RASGRF2: variants seen among roughly 807,000 people sequenced by gnomAD.
RASGRF2 encodes Ras protein specific guanine nucleotide releasing factor 2, also known as ras-specific guanine nucleotide-releasing factor 2.
RASGRF2 carries 76 observed loss-of-function variants against 151.0 expected under a neutral mutation model. The ratio of observed to expected loss-of-function variants is 0.50; its 90% CI spans 0.42 to 0.61. RASGRF2 has a LOEUF of 0.61. Among genes scored for constraint, RASGRF2 ranks in the 20% least tolerant of loss-of-function variants. RASGRF2 has a pLI of 0.00. For missense variants in RASGRF2, 1,148 were observed against 1,564.6 expected, an observed-to-expected ratio of 0.73 and a Z score of 4.49; for synonymous variants, 504 against 566.5, an observed-to-expected ratio of 0.89 and a Z score of 1.57.
intron 1 of RASGRF2, among the ~76,000 whole-genome samples, chr5:81,018,368 T>C (rs1407194160): frequency 2.0e-5 from 3 of 152,176 alleles, no homozygotes; most frequent in Non-Finnish European, 4.4e-5. Context: ...GTCTTAGTTC[T>C]CTCTCTCCCA....
chr5:81,009,521 A>C (rs1749386753), intron 1 of RASGRF2, among the ~76,000 whole-genome samples: 1 of 152,214 alleles, frequency 6.6e-6, no homozygotes, highest in Admixed American at 6.5e-5. Flanking sequence ...TCCCTAAAGC[A>C]AGTCTAAAAA....
intron 17 of RASGRF2, among the ~76,000 whole-genome samples, chr5:81,155,670 T>C (rs892405936): frequency 2.6e-5 from 4 of 152,120 alleles, no homozygotes; most frequent in African/African-American, 9.7e-5. Flanking sequence ...ATATAGAAGC[T>C]GGTTAGGATT....
intron 2 of RASGRF2, among the ~76,000 whole-genome samples, chr5:81,056,168 G>A (rs962670777): frequency 2.2e-4 from 33 of 151,898 alleles, no homozygotes; most frequent in African/African-American, 7.5e-4. Flanking sequence ...GCCTTCTGCT[G>A]GCTTTTGAAT....
chr5:81,056,879 G>T (rs1295068223), intron 2 of RASGRF2, among the ~76,000 whole-genome samples: 1 of 152,122 alleles, frequency 6.6e-6, no homozygotes, highest in Non-Finnish European at 1.5e-5. Context: ...TTACCATTAT[G>T]TAATGGCCTT....
intron 1 of RASGRF2, among the ~76,000 whole-genome samples, chr5:80,984,021 A>G (rs1023509800): frequency 3.3e-5 from 5 of 152,122 alleles, no homozygotes; most frequent in African/African-American, 1.2e-4. Context: ...TTCTGTTTTC[A>G]TGGAGCCTCT....
chr5:81,212,999 T>A (rs893322347), intron 23 of RASGRF2, among the ~76,000 whole-genome samples: 2 of 152,214 alleles, frequency 1.3e-5, no homozygotes, highest in African/African-American at 4.8e-5. Context: ...GGCATAATAA[T>A]TTAGATGTGC....
intron 1 of RASGRF2, among the ~76,000 whole-genome samples, chr5:80,994,147 C>T (rs112178849): frequency 0.1 from 15,811 of 151,850 alleles, 1,056 homozygotes; most frequent in East Asian, 0.27. Context: ...GGGCGGATCA[C>T]GAGGTCAGGA....
At position 81,009,783 on chromosome 5, in the gene RASGRF2, G is replaced by A. The variant is rs192128810; in HGVS notation, c.289-33094G>A. 7.0e-4 allele frequency among the ~76,000 whole-genome samples: 107 copies of A among 152,244 alleles called. 1 individual carries two copies. The highest frequency in any genetic ancestry group is 2.4e-4 in the Non-Finnish European group (16 of 68,026). On this transcript the variant is annotated intron_variant, in intron 1 of 26. Coordinates refer to ENST00000265080, the MANE Select transcript of RASGRF2 (RefSeq NM_006909.3). ...TTAAGTAATATGGAAAAATTCTTAA[G>A]TTATCATGTGACCTGAAAACTATGC...
intron 17 of RASGRF2, among the ~76,000 whole-genome samples, chr5:81,144,863 G>C (rs1338593118): frequency 6.6e-6 from 1 of 152,034 alleles, no homozygotes; most frequent in Non-Finnish European, 1.5e-5. Flanking sequence ...CTGTCATCTG[G>C]CTCTTCTAAC....
intron 1 of RASGRF2, among the ~76,000 whole-genome samples, chr5:80,971,371 T>C (rs553216801): frequency 2.0e-5 from 3 of 152,208 alleles, no homozygotes; most frequent in Non-Finnish European, 4.4e-5. Context: ...CAACATCATA[T>C]TTGTGAGATT....
At chr5:81,179,244 A>T (rs1580384039) in intron 17 of RASGRF2, among the ~76,000 whole-genome samples, 1 of 152,258 alleles carries the variant, frequency 6.6e-6, no homozygotes, top group Non-Finnish European at 1.5e-5. Context: ...ACAGTGAATC[A>T]AGATTGATTT....
At chr5:81,114,501 G>GT (rs1187082681) in intron 15 of RASGRF2, among the ~76,000 whole-genome samples, 1 of 152,168 alleles carries the variant, frequency 6.6e-6, no homozygotes, top group Non-Finnish European at 1.5e-5. Context: ...AGCCAAAATA[G>GT]TTTTTTTAAA....
intron 15 of RASGRF2, among the ~76,000 whole-genome samples, chr5:81,118,606 C>T (rs936598683): frequency 6.6e-5 from 10 of 152,318 alleles, no homozygotes; most frequent in Admixed American, 5.9e-4. Flanking sequence ...AGCGAAAGGT[C>T]ACTTGGCCAC....
intron 12 of RASGRF2, chr5:81,096,654 T>G (rs751618168): frequency 6.6e-6 from 1 of 152,164 alleles, no homozygotes; most frequent in Non-Finnish European, 1.5e-5. Context: ...CAGGTGACCT[T>G]CTTTAGCATG....
At chr5:81,034,619 A>C (rs939408106) in intron 1 of RASGRF2, among the ~76,000 whole-genome samples, 2,251 of 151,852 alleles carry the variant, frequency 0.015, 52 homozygotes, top group African/African-American at 0.053. Flanking sequence ...CTATGCAGCC[A>C]TAAAAAATGA....
chr5:81,224,674 A>G (rs967821150), intron 26 of RASGRF2, among the ~76,000 whole-genome samples: 3 of 152,238 alleles, frequency 2.0e-5, no homozygotes, highest in Non-Finnish European at 4.4e-5. Flanking sequence ...AAATTATGGT[A>G]TATCTCTACA....
At chr5:81,028,052 T>C (rs919391819) in intron 1 of RASGRF2, among the ~76,000 whole-genome samples, 7 of 152,046 alleles carry the variant, frequency 4.6e-5, no homozygotes, top group African/African-American at 1.7e-4. Flanking sequence ...GAGTTGGAAT[T>C]TGATCTGCCA....
At chr5:81,093,071 A>C (rs1304243683) in intron 10 of RASGRF2, 110 bp downstream of exon 10, 2 of 1,157,198 alleles carry the variant, frequency 1.7e-6, no homozygotes, top group South Asian at 1.6e-5. Context: ...ACAGATTGTC[A>C]TGATTGCATA....
intron 1 of RASGRF2, among the ~76,000 whole-genome samples, chr5:80,967,667 T>G (rs1233102418): frequency 6.6e-6 from 1 of 152,200 alleles, no homozygotes; most frequent in Non-Finnish European, 1.5e-5. Context: ...ATGCCATTTG[T>G]GTGACTAATG....
Sources: allele counts gnomAD v4.1 joint callset (sites outside exome capture counted in the v4.1 genomes callset), GRCh38; gene constraint gnomAD v4.1.1; transcripts MANE v1.5; gene names NCBI Gene and HGNC (gene_info 2026-07-23, HGNC 2026-07-21).